The following UBXN4 variants were observed in gnomAD, a reference collection of about 807,000 sequenced individuals.
UBXN4 encodes UBX domain protein 4.
A neutral mutation model predicts 66.2 loss-of-function variants in UBXN4; 35 were observed. The observed-to-expected ratio is 0.53, with a 90% CI of 0.40 to 0.70. The LOEUF (loss-of-function observed/expected upper bound fraction) is 0.70, where lower values mean the gene tolerates loss of function less well. Among genes scored for constraint, UBXN4 ranks in the 30% least tolerant of loss-of-function variants. The pLI, the probability that UBXN4 is intolerant of heterozygous loss-of-function variation, is 0.00. For missense variants in UBXN4, 533 were observed against 599.8 expected, an observed-to-expected ratio of 0.89 and a Z score of 1.16; for synonymous variants, 203 against 204.5, an observed-to-expected ratio of 0.99 and a Z score of 0.06.
At position 135,782,975 on chromosome 2, in the gene UBXN4, T is replaced by C; in HGVS notation, c.*88T>C. ...CTACTGGAGAAGTGGGACTGCTTTA[T>C]ATTTTCCAACTGGTCTATAAAATGT... is the stretch of plus-strand genomic sequence containing the variant. On this transcript the variant is annotated 3_prime_UTR_variant, in exon 13 of 13. Coordinates refer to ENST00000272638, the MANE Select transcript of UBXN4 (RefSeq NM_014607.4). The C allele has an allele frequency of 7.1e-7, 1 of 1,414,850 alleles. No individual in the cohort carries two copies. The highest frequency in any genetic ancestry group is 9.6e-7 in the Non-Finnish European group (1 of 1,038,632). The allele number at this position is 1,414,850 out of a possible 1,614,324, so 87.6% of individuals were successfully genotyped here.
At chr2:135,744,883 C>T (rs187445026) in intron 1 of UBXN4, among the ~76,000 whole-genome samples, 126 of 152,270 alleles carry the variant, frequency 8.3e-4, no homozygotes, top group Non-Finnish European at 1.4e-3. Flanking sequence ...TGAGTAATTC[C>T]ATTCAGCTTT....
intron 11 of UBXN4, 121 bp from the exon 12 acceptor site, chr2:135,780,062 T>C: frequency 1.2e-6 from 1 of 845,746 alleles, no homozygotes; most frequent in Non-Finnish European, 1.9e-6. Context: ...CATTTTACCC[T>C]CTTGAAGTAA....
At chr2:135,767,732 T>C (rs1010467621) in intron 6 of UBXN4, among the ~76,000 whole-genome samples, 8 of 152,220 alleles carry the variant, frequency 5.3e-5, no homozygotes, top group African/African-American at 1.7e-4. Context: ...TTCTTGTATA[T>C]GTCTTGGTGA....
In UBXN4 at chr2:135,784,893, A is replaced by G. The variant is rs1457068873; in HGVS notation, c.*2006A>G. The G allele has an allele frequency of 6.6e-6, 1 of 152,630 alleles. No homozygotes were observed. Among genetic ancestry groups the G allele is most frequent in the Non-Finnish European group, 1.5e-5 (1 of 68,034 alleles). The allele number at this position is 152,630 out of a possible 1,614,324, so 9.5% of individuals were successfully genotyped here. A position where few individuals can be genotyped will look rare whatever the true frequency, so the allele number is the denominator to read the frequency against. ...GGTAAAAAAAAAAATTCACAACAGT[A>G]TATAAGGCTGTAAAATGAGAATTCT... On this transcript the variant is annotated 3_prime_UTR_variant, in exon 13 of 13. Transcript: ENST00000272638.
Position 135,741,898 on chromosome 2 carries a change from C to T in UBXN4, c.-32C>T. 6.3e-7 allele frequency: 1 copy of T among 1,599,812 alleles called. No homozygotes were observed. The highest frequency in any genetic ancestry group is 1.1e-5 in the South Asian group (1 of 88,992). The stretch of plus-strand genomic sequence containing the variant: ...CGGCTTCGGGACTGCGGAGACTACA[C>T]ACCGAGCGAGCGCCTGGGCCCGAAG... On this transcript the variant is annotated 5_prime_UTR_variant, in exon 1 of 13. Transcript: ENST00000272638.
intron 12 of UBXN4, among the ~76,000 whole-genome samples, chr2:135,780,919 C>T (rs2077445527): frequency 6.6e-6 from 1 of 152,214 alleles, no homozygotes; most frequent in Non-Finnish European, 1.5e-5. Context: ...TTATTTTGGA[C>T]TAATCCCTTA....
intron 4 of UBXN4, 66 bp downstream of exon 4, chr2:135,754,343 A>G: frequency 4.7e-6 from 6 of 1,288,302 alleles, no homozygotes; most frequent in Non-Finnish European, 6.7e-6. Context: ...TTTTTTTGAG[A>G]TGGAGTCTCG....
intron 8 of UBXN4, 99 bp downstream of exon 8, chr2:135,770,834 C>A (rs1575321861): frequency 2.6e-6 from 3 of 1,144,916 alleles, no homozygotes; most frequent in African/African-American, 1.6e-5. Flanking sequence ...ATTTTAGTGA[C>A]TCATAGACTA....
chr2:135,782,035 AC>A (rs1170517209), intron 12 of UBXN4, among the ~76,000 whole-genome samples: 1 of 152,220 alleles, frequency 6.6e-6, no homozygotes, highest in Non-Finnish European at 1.5e-5. Context: ...TGATCGTGCC[AC>A]TGCACTCTAG....
At chr2:135,748,908 C>T (rs1165431281) in intron 2 of UBXN4, among the ~76,000 whole-genome samples, 4 of 150,900 alleles carry the variant, frequency 2.7e-5, no homozygotes, top group East Asian at 2.0e-4. Context: ...TGGTGGCACA[C>T]GCCTGTAATC....
chr2:135,781,064 A>G (rs1447547908), intron 12 of UBXN4, among the ~76,000 whole-genome samples: 1 of 152,198 alleles, frequency 6.6e-6, no homozygotes, highest in African/African-American at 2.4e-5. Flanking sequence ...GTCTGTACAA[A>G]AACAATTTAA....
rs1337359287 is a variant in UBXN4, at chr2:135,754,142, T to A, written c.215-17T>A. 6.4e-7 allele frequency: 1 copy of A among 1,556,122 alleles called. No individual in the cohort carries two copies. The highest frequency in any genetic ancestry group is 2.3e-5 in the East Asian group (1 of 43,878). ...TTTCGTTTCACATGAATTGTTAGAC[T>A]TCATTAAACTGTACAGATCCTGTAG... On this transcript the variant is annotated splice_polypyrimidine_tract_variant and intron_variant, in intron 3 of 12. Transcript: ENST00000272638.
In UBXN4 at chr2:135,759,438, A is replaced by G. The variant is rs2077298594; in HGVS notation, c.509-2380A>G. ...TGGTTGATGTGTTTTTAAATTTAATATATAGATTTCTGCTCTCCCTGGTAG... is the reference window on the plus strand; with the variant it reads ...TGGTTGATGTGTTTTTAAATTTAATGTATAGATTTCTGCTCTCCCTGGTAG... On this transcript the variant is annotated intron_variant, in intron 5 of 12. Transcript: ENST00000272638. Among the ~76,000 whole-genome samples the G allele has an allele frequency of 2.0e-5, 3 of 152,146 alleles. 1 individual carries two copies. In the South Asian group the frequency reaches 6.2e-4, roughly 31 times the overall value.
intron 1 of UBXN4, among the ~76,000 whole-genome samples, chr2:135,742,233 G>T (rs1050710991): frequency 6.6e-6 from 1 of 152,122 alleles, no homozygotes; most frequent in Non-Finnish European, 1.5e-5. Context: ...TTCAGGCCCC[G>T]GGCGCCCCCA....
intron 12 of UBXN4, among the ~76,000 whole-genome samples, chr2:135,781,728 A>G (rs946243312): frequency 6.6e-6 from 1 of 152,234 alleles, no homozygotes; most frequent in African/African-American, 2.4e-5. Flanking sequence ...GGGTGGGAGC[A>G]TTTAATACTG....
In UBXN4 at chr2:135,741,992, C is replaced by A; in HGVS notation, c.63C>A (p.Val21=). The A allele has an allele frequency of 6.2e-7, 1 of 1,613,446 alleles. No homozygotes were observed. Among genetic ancestry groups the A allele is most frequent in the Non-Finnish European group, 8.5e-7 (1 of 1,179,726 alleles). ...CGACGGCCAAAAGGAGCGGCGCGGT[C>A]TTCGTGGTGTTCGTGGCAGGTGAAG... ...AIATAKRSGA[V]FVVFVAGDDE... Residue 21 remains valine (V), a synonymous_variant, in exon 1 of 13, where the codon GTC becomes GTA. Coordinates refer to ENST00000272638, the MANE Select transcript of UBXN4 (RefSeq NM_014607.4).
chr2:135,748,484 C>T (rs182871730), intron 2 of UBXN4, 115 bp downstream of exon 2: 1 of 686,126 alleles, frequency 1.5e-6, no homozygotes, highest in Non-Finnish European at 2.1e-6. Context: ...ACTCCCAGCA[C>T]TTTGGGAGAC....
At chr2:135,771,075 AGTT>A (rs2077380082) in intron 8 of UBXN4, among the ~76,000 whole-genome samples, 1 of 152,184 alleles carries the variant, frequency 6.6e-6, no homozygotes, top group South Asian at 2.1e-4. Flanking sequence ...AGTACCTAGT[AGTT>A]CTTCTGTAGT....
At position 135,784,168 on chromosome 2, in the gene UBXN4, C is replaced by T. The variant is rs868572648; in HGVS notation, c.*1281C>T. The T allele has an allele frequency of 1.3e-5, 2 of 152,226 alleles. No individual in the cohort carries two copies. Among genetic ancestry groups the T allele is most frequent in the Middle Eastern group, 3.4e-3 (1 of 294 alleles). The allele number at this position is 152,226 out of a possible 1,614,324, so 9.4% of individuals were successfully genotyped here. On this transcript the variant is annotated 3_prime_UTR_variant, in exon 13 of 13. Coordinates refer to ENST00000272638, the MANE Select transcript of UBXN4 (RefSeq NM_014607.4). ...ATCAGAAACTTAAAATATTTCATAC[C>T]GTTTGATCCAGTAGCTTCTTCTAAA...
Sources: gnomAD v4.1 joint callset for allele counts (sites outside exome capture counted in the v4.1 genomes callset) on GRCh38, gnomAD v4.1.1 for gene constraint, MANE v1.5 for transcripts, NCBI Gene and HGNC (gene_info 2026-07-23, HGNC 2026-07-21) for gene names.